KCNS3: variants seen among roughly 807,000 people sequenced by gnomAD.
KCNS3 encodes delayed-rectifier potassium channel regulatory subunit KCNS3.
A neutral mutation model predicts 31.0 loss-of-function variants in KCNS3; 13 were observed. That is an observed-to-expected ratio of 0.42 (90% confidence interval 0.27 to 0.67). The LOEUF (loss-of-function observed/expected upper bound fraction) is 0.67. KCNS3 is among the 30% of genes least tolerant of loss of function. The pLI, the probability that KCNS3 is intolerant of heterozygous loss-of-function variation, is 0.25. For synonymous variants in KCNS3, 238 were observed against 241.5 expected (o/e 0.99, Z 0.13); for missense variants, 545 against 622.4 (o/e 0.88, Z 1.32).
intron 1 of KCNS3, among the ~76,000 whole-genome samples, chr2:17,888,652 T>TAG (rs1661761136): frequency 7.5e-6 from 1 of 133,828 alleles, no homozygotes; most frequent in South Asian, 2.3e-4. Flanking sequence ...TATATATATA[T>TAG]ATATATATAT....
Position 17,932,186 on chromosome 2 carries a change from G to T in KCNS3, c.1178G>T (p.Cys393Phe). 6.2e-7 allele frequency: 1 copy of T among 1,614,034 alleles called. No individual in the cohort carries two copies. Among genetic ancestry groups the T allele is most frequent in the African/African-American group, 1.3e-5 (1 of 75,008 alleles). The change falls in exon 3 of 3, where the codon TGT (cysteine) becomes TTT (phenylalanine). Residue 393 changes from cysteine to phenylalanine, a missense_variant. By Grantham distance (205) the Cys-to-Phe change is radical. Transcript: ENST00000304101. ...CTCATCGCCAGCACATGCATCATCT[G>T]TGGCATCTTGGTGGTGGCCCTTCCC... is the stretch of plus-strand genomic sequence containing the variant. ...GKLIASTCII[C>F]GILVVALPIT...
At chr2:17,896,764 A>C (rs564126065) in intron 1 of KCNS3, among the ~76,000 whole-genome samples, 1 of 152,216 alleles carries the variant, frequency 6.6e-6, no homozygotes, top group Non-Finnish European at 1.5e-5. Flanking sequence ...GGGCTCAGCC[A>C]GTCTGATACT....
chr2:17,902,053 T>C (rs1176439524), intron 1 of KCNS3, among the ~76,000 whole-genome samples: 1 of 152,130 alleles, frequency 6.6e-6, no homozygotes, highest in Admixed American at 6.6e-5. Flanking sequence ...ACACAGAGTT[T>C]CACAGAAAAC....
chr2:17,928,733 G>C (rs571607060), intron 2 of KCNS3, among the ~76,000 whole-genome samples: 1 of 151,874 alleles, frequency 6.6e-6, no homozygotes, highest in East Asian at 1.9e-4. Flanking sequence ...ATAAACATAA[G>C]GGGAAAGAGA....
intron 1 of KCNS3, among the ~76,000 whole-genome samples, chr2:17,913,405 C>G (rs1306348524): frequency 6.6e-6 from 1 of 152,238 alleles, no homozygotes; most frequent in Non-Finnish European, 1.5e-5. Flanking sequence ...CTGCAGCAGG[C>G]TATAGATCTG....
At chr2:17,901,805 G>A (rs542489886) in intron 1 of KCNS3, among the ~76,000 whole-genome samples, 10 of 152,200 alleles carry the variant, frequency 6.6e-5, no homozygotes, top group Non-Finnish European at 1.5e-4. Context: ...TTAAAAAATT[G>A]GGGAAGTTTT....
rs1460510636 is a variant in KCNS3 at position 17,924,641 on chromosome 2, T to A, written c.-59-6309T>A. Among the ~76,000 whole-genome samples the A allele has an allele frequency of 2.0e-5, 3 of 150,600 alleles. No homozygotes were observed. The Admixed American group carries it at 2.0e-4, about 10-fold the overall frequency. ...AATGTCATTTTCATTATTTCTTTAG[T>A]ATTTATATTACCTTGATTGATTTAC... On this transcript the variant is annotated intron_variant, in intron 2 of 2. Transcript: ENST00000304101.
chr2:17,921,911 G>GTATATATATATATATATA (rs781288456), intron 2 of KCNS3, among the ~76,000 whole-genome samples: 1 of 100,434 alleles, frequency 1.0e-5, no homozygotes, highest in Non-Finnish European at 2.0e-5. Flanking sequence ...ATGTGTGTGT[G>GTATATATATATATATATA]TGTGTATATA....
rs1432467683 is a variant in KCNS3 at position 17,932,296 on chromosome 2, G to C, written c.1288G>C (p.Glu430Gln). 1.9e-6 allele frequency: 3 copies of C among 1,613,948 alleles called. No homozygotes were observed. The African/African-American group carries it at 4.0e-5, about 22-fold the overall frequency. Residue 430 changes from glutamate to glutamine, a missense_variant, in exon 3 of 3, where the codon GAG becomes CAG. By Grantham distance (29) the Glu-to-Gln change is conservative. Coordinates refer to ENST00000304101, the MANE Select transcript of KCNS3 (RefSeq NM_002252.5). ...DVDQCSEDAPEKCHELPYFNI... is the reference protein window; with the variant it reads ...DVDQCSEDAPQKCHELPYFNI... ...GGACCAGTGCAGTGAGGATGCACCAGAGAAGTGTCATGAGCTACCTTACTT... is the reference window on the plus strand; with the variant it reads ...GGACCAGTGCAGTGAGGATGCACCACAGAAGTGTCATGAGCTACCTTACTT...
At chr2:17,883,040 TATAA>T (rs1173614967) in intron 1 of KCNS3, among the ~76,000 whole-genome samples, 1 of 152,238 alleles carries the variant, frequency 6.6e-6, no homozygotes, top group Non-Finnish European at 1.5e-5. Context: ...GGAGATACTG[TATAA>T]ATATTGTCTT....
chr2:17,881,863 G>A (rs76296027), intron 1 of KCNS3, among the ~76,000 whole-genome samples: 4,401 of 152,282 alleles, frequency 0.029, 114 homozygotes, highest in African/African-American at 0.074. Context: ...CAAAGACTGC[G>A]TTAGCAAAAT....
chr2:17,926,474 C>T (rs564811583), intron 2 of KCNS3, among the ~76,000 whole-genome samples: 6 of 152,368 alleles, frequency 3.9e-5, no homozygotes, highest in African/African-American at 1.2e-4. Context: ...GGCTCTGCCC[C>T]TGTAGCAAAC....
chr2:17,905,141 A>C (rs538333922), intron 1 of KCNS3, among the ~76,000 whole-genome samples: 2 of 152,198 alleles, frequency 1.3e-5, no homozygotes, highest in Non-Finnish European at 2.9e-5. Context: ...TTCATTGAGC[A>C]GTAGTTTGTA....
chr2:17,878,851 C>T (rs918783608), intron 1 of KCNS3, 45 bp downstream of exon 1: 1 of 152,774 alleles, frequency 6.5e-6, no homozygotes, highest in African/African-American at 2.4e-5. Flanking sequence ...CCGGAGACTT[C>T]TCCGGGCGAC....
chr2:17,922,235 A>G (rs956815004), intron 2 of KCNS3, among the ~76,000 whole-genome samples: 1 of 151,800 alleles, frequency 6.6e-6, no homozygotes, highest in Admixed American at 6.6e-5. Context: ...GAAATTCCCC[A>G]TCAGCTTTTT....
intron 1 of KCNS3, among the ~76,000 whole-genome samples, chr2:17,892,032 T>C (rs1424943260): frequency 6.6e-6 from 1 of 152,210 alleles, no homozygotes; most frequent in Non-Finnish European, 1.5e-5. Flanking sequence ...TCCAAGCTTT[T>C]AGAATTCTCT....
At chr2:17,929,680 A>G (rs948384784) in intron 2 of KCNS3, among the ~76,000 whole-genome samples, 2 of 152,194 alleles carry the variant, frequency 1.3e-5, no homozygotes, top group Non-Finnish European at 2.9e-5. Flanking sequence ...CTTTTTTCTC[A>G]GTAATCCCAA....
intron 1 of KCNS3, among the ~76,000 whole-genome samples, chr2:17,881,635 G>A (rs914339991): frequency 6.6e-6 from 1 of 152,194 alleles, no homozygotes; most frequent in Admixed American, 6.5e-5. Flanking sequence ...ACTTGTACAA[G>A]GTCACCCAGC....
At position 17,910,029 on chromosome 2, in the gene KCNS3, A is replaced by G. The variant is rs529979137; in HGVS notation, c.-251-7651A>G. On this transcript the variant is annotated intron_variant, in intron 1 of 2. Transcript: ENST00000304101. Reference sequence around the variant, plus strand: ...ATGAACCCCTTTGGGAGTCTGAGAAACCCTATGGACCCCTTTTCAGAATAG... The same window carrying G: ...ATGAACCCCTTTGGGAGTCTGAGAAGCCCTATGGACCCCTTTTCAGAATAG... Among the ~76,000 whole-genome samples, 6 of 152,312 alleles carry G rather than the reference A, an allele frequency of 3.9e-5. No individual in the cohort carries two copies. The East Asian group carries it at 9.6e-4, about 24-fold the overall frequency.
Sources: gnomAD v4.1 joint callset for allele counts (sites outside exome capture counted in the v4.1 genomes callset) on GRCh38, gnomAD v4.1.1 for gene constraint, MANE v1.5 for transcripts, NCBI Gene and HGNC (gene_info 2026-07-23, HGNC 2026-07-21) for gene names.